The following CERS3 variants were observed in gnomAD, a reference collection of about 807,000 sequenced individuals.
CERS3 encodes ceramide synthase 3.
A neutral mutation model predicts 50.3 loss-of-function variants in CERS3; 33 were observed. The ratio of observed to expected loss-of-function variants is 0.66; its 90% confidence interval spans 0.50 to 0.88. CERS3 has a LOEUF of 0.88. Ranked by LOEUF, CERS3 falls within the 40% of genes least tolerant of loss-of-function variation. The probability of loss-of-function intolerance (pLI) is 0.00; values close to 1 mark genes in which losing one functional copy is unlikely to be tolerated. For synonymous variants in CERS3, 176 were observed against 155.2 expected (o/e 1.13, Z -0.99); for missense variants, 470 against 460.3 (o/e 1.02, Z -0.19).
chr15:100,520,752 G>T (rs1399480876), intron 2 of CERS3, among the ~76,000 whole-genome samples: 1 of 152,130 alleles, frequency 6.6e-6, no homozygotes, highest in Non-Finnish European at 1.5e-5. Context: ...TTCTGCCTGA[G>T]CCCTCCACTG....
intron 11 of CERS3, among the ~76,000 whole-genome samples, chr15:100,446,652 T>G (rs2033956354): frequency 6.6e-6 from 1 of 152,150 alleles, no homozygotes; most frequent in Non-Finnish European, 1.5e-5. Flanking sequence ...TATACACGGA[T>G]AGTAACACCT....
At chr15:100,444,106 C>A (rs1281698491) in intron 11 of CERS3, among the ~76,000 whole-genome samples, 1 of 152,196 alleles carries the variant, frequency 6.6e-6, no homozygotes, top group Non-Finnish European at 1.5e-5. Flanking sequence ...TTTGTCCAAA[C>A]AACTTGACCT....
At chr15:100,494,928 C>T (rs1430105218) in intron 3 of CERS3, among the ~76,000 whole-genome samples, 1 of 152,198 alleles carries the variant, frequency 6.6e-6, no homozygotes, top group Non-Finnish European at 1.5e-5. Context: ...ATCTCATGTT[C>T]TAGGTTTTCC....
chr15:100,451,632 G>A (rs2083737), intron 11 of CERS3, among the ~76,000 whole-genome samples: 2,091 of 152,252 alleles, frequency 0.014, 54 homozygotes, highest in African/African-American at 0.047. Context: ...GCGTGAACCT[G>A]GGAGGCGGAG....
At chr15:100,404,801 G>C (rs2030860489) in intron 11 of CERS3, among the ~76,000 whole-genome samples, 3 of 152,154 alleles carry the variant, frequency 2.0e-5, no homozygotes, top group Admixed American at 2.0e-4. Context: ...CAGAATGGAG[G>C]CTCTAGAAAT....
At chr15:100,442,705 G>C (rs538006064) in intron 11 of CERS3, among the ~76,000 whole-genome samples, 8 of 152,300 alleles carry the variant, frequency 5.3e-5, no homozygotes, top group Middle Eastern at 3.4e-3. Context: ...CTGGAACTCC[G>C]GCCCAAGGCT....
At chr15:100,496,188 C>T (rs1207051359) in intron 3 of CERS3, among the ~76,000 whole-genome samples, 3 of 152,028 alleles carry the variant, frequency 2.0e-5, no homozygotes, top group Non-Finnish European at 4.4e-5. Flanking sequence ...TAGCTCTTTG[C>T]CAAGAGAAAT....
intron 11 of CERS3, among the ~76,000 whole-genome samples, chr15:100,449,318 G>A (rs1033549615): frequency 2.0e-5 from 3 of 152,196 alleles, no homozygotes; most frequent in African/African-American, 7.2e-5. Flanking sequence ...GACCACTTGG[G>A]AGCCAGAGGA....
At chr15:100,446,366 T>G (rs2033942447) in intron 11 of CERS3, among the ~76,000 whole-genome samples, 1 of 133,726 alleles carries the variant, frequency 7.5e-6, no homozygotes, top group South Asian at 2.4e-4. Context: ...CTTCTCAGGT[T>G]TTTTTTTTTT....
chr15:100,501,618 T>G, intron 3 of CERS3, 59 bp downstream of exon 3: 3 of 1,415,522 alleles, frequency 2.1e-6, no homozygotes, highest in Non-Finnish European at 3.0e-6. Context: ...TAAGACTGTA[T>G]TATTCTAGTG....
chr15:100,411,226 G>A (rs986313776), intron 11 of CERS3, among the ~76,000 whole-genome samples: 3 of 152,048 alleles, frequency 2.0e-5, no homozygotes, highest in East Asian at 3.9e-4. Context: ...GCAGTGGCAC[G>A]ATCTTGGCTC....
At chr15:100,415,000 C>G (rs766331428) in intron 11 of CERS3, among the ~76,000 whole-genome samples, 1 of 152,056 alleles carries the variant, frequency 6.6e-6, no homozygotes, top group East Asian at 1.9e-4. Flanking sequence ...TAACAGGCAA[C>G]CTACAGAATG....
chr15:100,492,364 C>G (rs931682549), intron 3 of CERS3, among the ~76,000 whole-genome samples: 1 of 152,144 alleles, frequency 6.6e-6, no homozygotes, highest in African/African-American at 2.4e-5. Flanking sequence ...AGTTTTTACT[C>G]CACGTATTTT....
chr15:100,512,973 A>G (rs759216642), intron 2 of CERS3, among the ~76,000 whole-genome samples: 1 of 152,170 alleles, frequency 6.6e-6, no homozygotes, highest in Non-Finnish European at 1.5e-5. Context: ...GTCACTTTCC[A>G]CTAGGGCAAT....
rs11854258 is a variant in CERS3, at chr15:100,411,753, G to A, written c.1000-8888C>T. ...TTTTCCACAGTGACTGTACCATTCAGCAGTTCCATCAACACTTGTTATGTT... is the reference window on the plus strand; with the variant it reads ...TTTTCCACAGTGACTGTACCATTCAACAGTTCCATCAACACTTGTTATGTT... On this transcript the variant is annotated intron_variant, in intron 11 of 11. Coordinates refer to ENST00000679737, the MANE Select transcript of CERS3 (RefSeq NM_001378789.1). Among the ~76,000 whole-genome samples, 1,459 of 152,178 alleles carry A rather than the reference G, an allele frequency of 9.6e-3. 26 individuals carry two copies. Among genetic ancestry groups the A allele is most frequent in the African/African-American group, 0.033 (1,367 of 41,532 alleles).
At chr15:100,483,893 G>A (rs189375360) in intron 5 of CERS3, among the ~76,000 whole-genome samples, 2,283 of 149,510 alleles carry the variant, frequency 0.015, 66 homozygotes, top group African/African-American at 0.053. Flanking sequence ...CCATTCTCCT[G>A]CCTCAGCCTC....
At chr15:100,511,480 A>C (rs190162419) in intron 2 of CERS3, among the ~76,000 whole-genome samples, 1 of 152,284 alleles carries the variant, frequency 6.6e-6, no homozygotes, top group Admixed American at 6.5e-5. Flanking sequence ...AGTCTGTTAC[A>C]TGCCCTAGAG....
At chr15:100,446,416 T>C (rs1051993058) in intron 11 of CERS3, among the ~76,000 whole-genome samples, 1 of 146,854 alleles carries the variant, frequency 6.8e-6, no homozygotes, top group Non-Finnish European at 1.5e-5. Flanking sequence ...TAATTTCCCA[T>C]ACCTCTGTGA....
At chr15:100,476,035 T>C (rs1233644932) in intron 8 of CERS3, 51 bp downstream of exon 8, 3 of 1,275,162 alleles carry the variant, frequency 2.4e-6, no homozygotes, top group Admixed American at 2.5e-5. Flanking sequence ...GGCAGGGAGA[T>C]GGCAATTTTT....
Sources: gnomAD v4.1 joint callset for allele counts (sites outside exome capture counted in the v4.1 genomes callset) on GRCh38, gnomAD v4.1.1 for gene constraint, MANE v1.5 for transcripts, NCBI Gene and HGNC (gene_info 2026-07-23, HGNC 2026-07-21) for gene names.